Variants in CNTNAP2 observed in about 807,000 individuals in gnomAD.
CNTNAP2 encodes the protein contactin associated protein 2.
A neutral mutation model predicts 155.2 loss-of-function variants in CNTNAP2; 98 were observed. The ratio of observed to expected loss-of-function variants is 0.63; its 90% CI spans 0.54 to 0.75. CNTNAP2 has a LOEUF of 0.75. Ranked by LOEUF, CNTNAP2 falls within the 30% of genes least tolerant of loss-of-function variation. The probability of loss-of-function intolerance (pLI) is 0.00; values close to 1 mark genes in which losing one functional copy is unlikely to be tolerated. For synonymous variants in CNTNAP2, 651 were observed against 631.2 expected, an observed-to-expected ratio of 1.03 and a Z score of -0.47; for missense variants, 1,727 against 1,688.1, an observed-to-expected ratio of 1.02 and a Z score of -0.40.
chr7:147,963,066 C>A (rs1024489377), intron 14 of CNTNAP2, among the ~76,000 whole-genome samples: 7 of 151,936 alleles, frequency 4.6e-5, no homozygotes, highest in Non-Finnish European at 7.4e-5. Context: ...ATTATTATAC[C>A]ACTGCAATAT....
chr7:147,903,081 C>T (rs888534662), intron 13 of CNTNAP2, among the ~76,000 whole-genome samples: 4 of 152,144 alleles, frequency 2.6e-5, no homozygotes, highest in African/African-American at 9.7e-5. Context: ...TACTAGTTCG[C>T]ATTCCCACCA....
At chr7:147,633,451 T>C (rs1265919940) in intron 12 of CNTNAP2, among the ~76,000 whole-genome samples, 2 of 152,094 alleles carry the variant, frequency 1.3e-5, no homozygotes, top group African/African-American at 4.8e-5. Flanking sequence ...ACTTGAGCCT[T>C]TGGGTTAATG....
At chr7:147,576,769 G>A (rs927489098) in intron 12 of CNTNAP2, among the ~76,000 whole-genome samples, 3 of 151,544 alleles carry the variant, frequency 2.0e-5, no homozygotes, top group Admixed American at 6.6e-5. Context: ...TAACAAAATA[G>A]CAGGTTTTGA....
chr7:146,375,985 C>T (rs1563060339), intron 1 of CNTNAP2, among the ~76,000 whole-genome samples: 1 of 152,148 alleles, frequency 6.6e-6, no homozygotes, highest in African/African-American at 2.4e-5. Context: ...GTCACACAAC[C>T]AGGTTGACTG....
chr7:148,183,541 G>C (rs1449477299), intron 18 of CNTNAP2, among the ~76,000 whole-genome samples: 2 of 146,024 alleles, frequency 1.4e-5, no homozygotes, highest in Non-Finnish European at 1.5e-5. Context: ...GAGCGCAGTG[G>C]TGCAATGATG....
At chr7:146,209,133 C>T (rs183672963) in intron 1 of CNTNAP2, among the ~76,000 whole-genome samples, 36 of 152,144 alleles carry the variant, frequency 2.4e-4, no homozygotes, top group Admixed American at 2.2e-3. Context: ...CATTTAAATA[C>T]CTGGAAATGA....
chr7:146,438,959 C>A (rs1796281539), intron 1 of CNTNAP2, among the ~76,000 whole-genome samples: 1 of 151,532 alleles, frequency 6.6e-6, no homozygotes, highest in Admixed American at 6.6e-5. Flanking sequence ...AGGCTATTTT[C>A]ATACCTTAAG....
chr7:147,030,742 G>A (rs1000599417), intron 3 of CNTNAP2, among the ~76,000 whole-genome samples: 1 of 152,122 alleles, frequency 6.6e-6, no homozygotes, highest in Non-Finnish European at 1.5e-5. Flanking sequence ...ATTAAGGCCA[G>A]GCATGATGAT....
rs1406814361 is a variant in CNTNAP2 at position 147,582,960 on chromosome 7, G to A, written c.1897+20703G>A. Among the ~76,000 whole-genome samples the A allele has an allele frequency of 4.6e-5, 7 of 152,228 alleles. No homozygotes were observed. The East Asian group carries it at 9.7e-4, about 21-fold the overall frequency. On this transcript the variant is annotated intron_variant, in intron 12 of 23. Transcript: ENST00000361727. ...TTTTGTTACTTCAAACATTTGGCATGCAGGCAGAAACATGTATATGTGTAT... is the reference window on the plus strand; with the variant it reads ...TTTTGTTACTTCAAACATTTGGCATACAGGCAGAAACATGTATATGTGTAT...
intron 13 of CNTNAP2, among the ~76,000 whole-genome samples, chr7:147,700,417 C>A (rs901396843): frequency 6.6e-6 from 1 of 152,152 alleles, no homozygotes; most frequent in African/African-American, 2.4e-5. Context: ...AGTCCATTCC[C>A]CTCATGATTA....
chr7:148,223,721 T>A (rs1298039571), intron 19 of CNTNAP2, among the ~76,000 whole-genome samples: 1 of 152,200 alleles, frequency 6.6e-6, no homozygotes, highest in Non-Finnish European at 1.5e-5. Flanking sequence ...AAGTTCCAAC[T>A]CATCTTTCTT....
intron 13 of CNTNAP2, among the ~76,000 whole-genome samples, chr7:147,792,836 C>T (rs1002768156): frequency 6.6e-6 from 1 of 152,066 alleles, no homozygotes; most frequent in East Asian, 1.9e-4. Flanking sequence ...TAAAGGTTTC[C>T]ATTTCCTCAT....
intron 9 of CNTNAP2, among the ~76,000 whole-genome samples, chr7:147,337,921 A>G (rs1031425752): frequency 6.6e-5 from 10 of 152,176 alleles, no homozygotes; most frequent in African/African-American, 2.4e-4. Context: ...TTAAATCTGC[A>G]TGTCAAGAGA....
chr7:148,254,591 A>C (rs1796427853), intron 20 of CNTNAP2, among the ~76,000 whole-genome samples: 3 of 152,070 alleles, frequency 2.0e-5, no homozygotes, highest in African/African-American at 7.2e-5. Context: ...CCTGGCTAAC[A>C]CGGTGAAACC....
At chr7:147,929,278 T>C (rs1206606729) in intron 14 of CNTNAP2, among the ~76,000 whole-genome samples, 1 of 152,092 alleles carries the variant, frequency 6.6e-6, no homozygotes, top group African/African-American at 2.4e-5. Flanking sequence ...ATAGAAGAGA[T>C]ATTATTCACA....
intron 12 of CNTNAP2, among the ~76,000 whole-genome samples, chr7:147,597,262 G>A (rs1313008689): frequency 1.3e-5 from 2 of 152,006 alleles, no homozygotes; most frequent in African/African-American, 4.8e-5. Context: ...AGTAACATTT[G>A]TACCATCTCT....
intron 13 of CNTNAP2, among the ~76,000 whole-genome samples, chr7:147,791,649 T>C (rs60549009): frequency 0.011 from 1,697 of 152,238 alleles, 92 homozygotes; most frequent in Admixed American, 0.088. Context: ...TGTACTCTGA[T>C]GTCTTCAGCA....
chr7:146,364,513 C>T (rs1341201647), intron 1 of CNTNAP2, among the ~76,000 whole-genome samples: 2 of 152,006 alleles, frequency 1.3e-5, no homozygotes, highest in Non-Finnish European at 2.9e-5. Flanking sequence ...TAATTATAAA[C>T]TTTATTCACT....
At chr7:146,617,805 A>G (rs1799251603) in intron 1 of CNTNAP2, among the ~76,000 whole-genome samples, 1 of 152,270 alleles carries the variant, frequency 6.6e-6, no homozygotes, top group South Asian at 2.1e-4. Flanking sequence ...TGAAACGTAA[A>G]ATTTCTCAGG....
Sources: gnomAD v4.1 joint callset for allele counts (sites outside exome capture counted in the v4.1 genomes callset) on GRCh38, gnomAD v4.1.1 for gene constraint, MANE v1.5 for transcripts, NCBI Gene and HGNC (gene_info 2026-07-23, HGNC 2026-07-21) for gene names.